LRBA: variants seen among roughly 807,000 people sequenced by gnomAD.
LRBA encodes lipopolysaccharide-responsive and beige-like anchor protein.
A neutral mutation model predicts 330.0 loss-of-function variants in LRBA; 176 were observed. The ratio of observed to expected loss-of-function variants is 0.53; its 90% CI spans 0.47 to 0.60. The LOEUF (loss-of-function observed/expected upper bound fraction) is 0.60. Among genes scored for constraint, LRBA ranks in the 20% least tolerant of loss-of-function variants. The probability of loss-of-function intolerance (pLI) is 0.00; values close to 1 mark genes in which losing one functional copy is unlikely to be tolerated. For missense variants in LRBA, 3,259 were observed against 3,444.8 expected (o/e 0.95, Z 1.35); for synonymous variants, 1,230 against 1,193.0 (o/e 1.03, Z -0.64).
chr4:150,762,040 T>G (rs574457832), intron 34 of LRBA, among the ~76,000 whole-genome samples, 193 bp from the exon 35 acceptor site: 1 of 152,074 alleles, frequency 6.6e-6, no homozygotes, highest in East Asian at 1.9e-4. Context: ...TGATTCTGTG[T>G]AAATTAAATG....
intron 36 of LRBA, among the ~76,000 whole-genome samples, chr4:150,693,053 T>G (rs2126960051): frequency 6.6e-6 from 1 of 152,262 alleles, no homozygotes; most frequent in South Asian, 2.1e-4. Context: ...ATGGTCTACA[T>G]ATTCGGAATA....
At chr4:150,951,441 T>C (rs1446074848) in intron 2 of LRBA, among the ~76,000 whole-genome samples, 1 of 152,176 alleles carries the variant, frequency 6.6e-6, no homozygotes, top group African/African-American at 2.4e-5. Flanking sequence ...CATTCCATTT[T>C]ATCAATTATT....
chr4:150,443,905 C>T (rs1247302980), intron 44 of LRBA, among the ~76,000 whole-genome samples: 1 of 129,270 alleles, frequency 7.7e-6, no homozygotes, highest in African/African-American at 2.8e-5. Context: ...AAGCCACCTC[C>T]AACCAAACTG....
intron 55 of LRBA, among the ~76,000 whole-genome samples, chr4:150,280,279 C>CA (rs569348986): frequency 9.8e-4 from 150 of 152,316 alleles, no homozygotes; most frequent in Middle Eastern, 3.4e-3. Flanking sequence ...GGGCCCCAGA[C>CA]ACATGTTAAT....
At chr4:150,381,268 T>C (rs953294537) in intron 47 of LRBA, among the ~76,000 whole-genome samples, 4 of 152,200 alleles carry the variant, frequency 2.6e-5, no homozygotes, top group African/African-American at 9.6e-5. Context: ...TTCAGTATTA[T>C]CACAAAGCTG....
chr4:150,577,569 T>C (rs941335630), intron 40 of LRBA, among the ~76,000 whole-genome samples: 1 of 152,052 alleles, frequency 6.6e-6, no homozygotes, highest in Non-Finnish European at 1.5e-5. Context: ...CCAAAAAGTA[T>C]AAATCCTCCA....
chr4:150,941,176 G>C (rs1735635567), intron 2 of LRBA, among the ~76,000 whole-genome samples: 1 of 151,976 alleles, frequency 6.6e-6, no homozygotes, highest in Non-Finnish European at 1.5e-5. Context: ...TATATATTTT[G>C]AGATGGAGTC....
chr4:150,663,301 T>C lies in LRBA; in HGVS notation c.5921+20250A>G, dbSNP rs553335543. Among the ~76,000 whole-genome samples, 18 of 152,020 alleles carry C rather than the reference T, an allele frequency of 1.2e-4. 1 individual carries two copies. In the South Asian group the frequency reaches 3.8e-3, roughly 32 times the overall value. The stretch of plus-strand genomic sequence containing the variant: ...AAACTTTGAAGTCACTGTATATATA[T>C]GAAGGCAAAGGAGTCTACAGAAGAC... On this transcript the variant is annotated intron_variant, in intron 37 of 56. Transcript: ENST00000651943.
In LRBA at chr4:150,662,203, T is replaced by C. The variant is rs987636128; in HGVS notation, c.5921+21348A>G. Among the ~76,000 whole-genome samples, 8 of 152,296 alleles carry C rather than the reference T, an allele frequency of 5.3e-5. No homozygotes were observed. The South Asian group carries it at 1.0e-3, about 20-fold the overall frequency. Reference sequence around the variant, plus strand: ...ATATTAACAAATATAATGTAATCCATGAAAAATCATGATTATTATAATATG... The same window carrying C: ...ATATTAACAAATATAATGTAATCCACGAAAAATCATGATTATTATAATATG... On this transcript the variant is annotated intron_variant, in intron 37 of 56. Coordinates refer to ENST00000651943, the MANE Select transcript of LRBA (RefSeq NM_001364905.1).
intron 22 of LRBA, among the ~76,000 whole-genome samples, chr4:150,859,952 T>C (rs1470323666): frequency 6.6e-6 from 1 of 152,204 alleles, no homozygotes; most frequent in African/African-American, 2.4e-5. Flanking sequence ...AAAATTTTGT[T>C]CCAATAATTC....
In LRBA at chr4:150,524,415, T is replaced by C. The variant is rs142652806; in HGVS notation, c.6331-33380A>G. 8.7e-3 allele frequency among the ~76,000 whole-genome samples: 1,331 copies of C among 152,300 alleles called. 13 individuals carry two copies. Among genetic ancestry groups the C allele is most frequent in the Non-Finnish European group, 0.013 (907 of 68,018 alleles). On this transcript the variant is annotated intron_variant, in intron 40 of 56. Coordinates refer to ENST00000651943, the MANE Select transcript of LRBA (RefSeq NM_001364905.1). ...ACAGAAGAGTGGAGACAGGGTAATA[T>C]AGCCAGGCTAATTTGAATCCTGGAC...
At chr4:150,637,649 C>T (rs1463883980) in intron 37 of LRBA, among the ~76,000 whole-genome samples, 4 of 152,160 alleles carry the variant, frequency 2.6e-5, no homozygotes, top group Non-Finnish European at 5.9e-5. Flanking sequence ...TGGCAAAGAA[C>T]TCAGGGCCTT....
At chr4:150,416,360 C>T (rs1430647187) in intron 46 of LRBA, among the ~76,000 whole-genome samples, 1 of 152,194 alleles carries the variant, frequency 6.6e-6, no homozygotes, top group Non-Finnish European at 1.5e-5. Flanking sequence ...CCAGCAATGG[C>T]AGGCCCGGCT....
intron 2 of LRBA, chr4:151,013,935 C>G (rs1283986708): frequency 6.6e-6 from 1 of 152,664 alleles, no homozygotes. Context: ...TAAAACTAGT[C>G]AAAATTAAAA....
At chr4:150,781,239 T>C (rs1310242040) in intron 34 of LRBA, among the ~76,000 whole-genome samples, 2 of 152,188 alleles carry the variant, frequency 1.3e-5, no homozygotes, top group Non-Finnish European at 2.9e-5. Flanking sequence ...TAATGAACCA[T>C]AATGTAGAAT....
rs1745568934 is a variant in LRBA at position 150,267,884 on chromosome 4, A to G, written c.8469-2072T>C. On this transcript the variant is annotated intron_variant, in intron 56 of 56. Transcript: ENST00000651943. Reference sequence around the variant, plus strand: ...AGACCAGCCTGGCCAACCCGGGGAAACCTCGTCTCTACTAAAAATACAAAA... The same window carrying G: ...AGACCAGCCTGGCCAACCCGGGGAAGCCTCGTCTCTACTAAAAATACAAAA... 2.0e-5 allele frequency among the ~76,000 whole-genome samples: 3 copies of G among 152,086 alleles called. No homozygotes were observed. In the South Asian group the frequency reaches 6.2e-4, roughly 32 times the overall value.
At chr4:150,599,252 TC>T in intron 37 of LRBA, 121 bp from the exon 38 acceptor site, 1 of 946,692 alleles carries the variant, frequency 1.1e-6, no homozygotes, top group Non-Finnish European at 1.6e-6. Context: ...TCCACTTAAT[TC>T]TCCCTCCATC....
chr4:150,455,993 A>C (rs1181292606), intron 44 of LRBA, among the ~76,000 whole-genome samples: 1 of 152,164 alleles, frequency 6.6e-6, no homozygotes, highest in Admixed American at 6.6e-5. Context: ...TGTTGCAAAT[A>C]ACAGTATCTC....
At chr4:150,306,131 G>A (rs967983452) in intron 52 of LRBA, among the ~76,000 whole-genome samples, 1 of 152,120 alleles carries the variant, frequency 6.6e-6, no homozygotes, top group Non-Finnish European at 1.5e-5. Context: ...CTAAAATGTG[G>A]CCTGAAAATA....
Sources: gnomAD v4.1 joint callset for allele counts (sites outside exome capture counted in the v4.1 genomes callset) on GRCh38, gnomAD v4.1.1 for gene constraint, MANE v1.5 for transcripts, NCBI Gene and HGNC (gene_info 2026-07-23, HGNC 2026-07-21) for gene names.